DNM1L: variants seen among roughly 807,000 people sequenced by gnomAD.
DNM1L encodes dynamin 1L.
DNM1L carries 33 observed loss-of-function variants against 92.8 expected under a neutral mutation model. The ratio of observed to expected loss-of-function variants is 0.36; its 90% CI spans 0.27 to 0.48. The LOEUF (loss-of-function observed/expected upper bound fraction) is 0.48. Among genes scored for constraint, DNM1L ranks in the 20% least tolerant of loss-of-function variants. The pLI, the probability that DNM1L is intolerant of heterozygous loss-of-function variation, is 0.99. For missense variants in DNM1L, 485 were observed against 888.8 expected (o/e 0.55, Z 5.78); for synonymous variants, 284 against 305.0 (o/e 0.93, Z 0.72).
At chr12:32,684,070 T>C (rs1049346497) in intron 1 of DNM1L, among the ~76,000 whole-genome samples, 2 of 152,226 alleles carry the variant, frequency 1.3e-5, no homozygotes, top group African/African-American at 2.4e-5. Flanking sequence ...TTCACCCTTA[T>C]AAAGTATACA....
Position 32,740,694 on chromosome 12 carries a change from C to T in DNM1L, c.1994+176C>T, listed in dbSNP as rs80104548. On this transcript the variant is annotated intron_variant, in intron 18 of 19. Coordinates refer to ENST00000549701, the MANE Select transcript of DNM1L (RefSeq NM_012062.5). Reference sequence around the variant, plus strand: ...GACCCATTTTGTTAACATAGAATGACTAGGACCTCATGTATCAGCTAGAAA... The same window carrying T: ...GACCCATTTTGTTAACATAGAATGATTAGGACCTCATGTATCAGCTAGAAA... 0.012 allele frequency among the ~76,000 whole-genome samples: 1,888 copies of T among 152,306 alleles called. 36 individuals are homozygous for T. The highest frequency in any genetic ancestry group is 0.035 in the African/African-American group (1,470 of 41,558).
chr12:32,736,809 G>C (rs1052642491), intron 13 of DNM1L: 30 of 382,536 alleles, frequency 7.8e-5, no homozygotes, highest in African/African-American at 5.1e-4. Context: ...TAGTGGGAAA[G>C]GGGGAGAAGA....
chr12:32,714,249 A>G (rs1451115671), intron 6 of DNM1L, among the ~76,000 whole-genome samples: 3 of 151,214 alleles, frequency 2.0e-5, no homozygotes, highest in African/African-American at 7.3e-5. Flanking sequence ...AAAAATTCCC[A>G]TAAGCAGGGT....
intron 7 of DNM1L, among the ~76,000 whole-genome samples, chr12:32,719,385 A>C (rs1193639308): frequency 2.0e-5 from 3 of 152,202 alleles, no homozygotes; most frequent in African/African-American, 7.2e-5. Flanking sequence ...GTAAGGGAAA[A>C]ATTATCTAAT....
At position 32,720,813 on chromosome 12, in the gene DNM1L, T is replaced by G; in HGVS notation, c.872+18T>G. 6.2e-7 allele frequency: 1 copy of G among 1,612,076 alleles called. No individual in the cohort carries two copies. Among genetic ancestry groups the G allele is most frequent in the Non-Finnish European group, 8.5e-7 (1 of 1,179,612 alleles). ...CTAAACAGGTAATTTTTTTACCTTT[T>G]GGAAATGAGATGTGTTTGTTTTTAC... is the stretch of plus-strand genomic sequence containing the variant. On this transcript the variant is annotated intron_variant, in intron 8 of 19. Transcript: ENST00000549701.
intron 17 of DNM1L, 28 bp downstream of exon 17, chr12:32,740,268 A>G: frequency 6.2e-7 from 1 of 1,614,198 alleles, no homozygotes; most frequent in Non-Finnish European, 8.5e-7. Context: ...GGTTTAGGTA[A>G]TAAGGTAGGT....
chr12:32,690,110 A>G (rs1592569724), intron 1 of DNM1L, among the ~76,000 whole-genome samples: 1 of 152,206 alleles, frequency 6.6e-6, no homozygotes, highest in African/African-American at 2.4e-5. Context: ...CAGACATGGG[A>G]TGTTTAAATC....
chr12:32,741,302 T>C (rs938942067), intron 18 of DNM1L, among the ~76,000 whole-genome samples: 17 of 152,228 alleles, frequency 1.1e-4, no homozygotes, highest in African/African-American at 3.4e-4. Flanking sequence ...GAAGGTGTTT[T>C]TGAGATGGAG....
Position 32,731,071 on chromosome 12 carries a change from A to ATC in DNM1L, c.1139_1140dup (p.Val381LeufsTer14). 1 of 1,614,008 alleles carries ATC rather than the reference A, an allele frequency of 6.2e-7. No homozygotes were observed. The stretch of plus-strand genomic sequence containing the variant: ...ATGAGACTTTTGGGCGAACCTTAGA[A>ATC]TCTGTTGATCCACTTGGTGGCCTTA... On this transcript the variant is annotated frameshift_variant, in exon 10 of 20. Transcript: ENST00000549701. LOFTEE classifies it high-confidence loss of function. The surrounding 1 kb of genome is among the most constrained non-coding windows in gnomAD (Gnocchi z 5.1).
chr12:32,717,207 AC>A (rs1161522562), intron 6 of DNM1L, among the ~76,000 whole-genome samples: 1 of 115,438 alleles, frequency 8.7e-6, no homozygotes, highest in Non-Finnish European at 1.7e-5. Flanking sequence ...ATTTATATAT[AC>A]TATAAAATAT....
chr12:32,741,068 G>A (rs1955251581), intron 18 of DNM1L, among the ~76,000 whole-genome samples: 1 of 152,146 alleles, frequency 6.6e-6, no homozygotes, highest in Admixed American at 6.5e-5. Flanking sequence ...CCAGTTTTTG[G>A]TAATCTGTCA....
intron 13 of DNM1L, among the ~76,000 whole-genome samples, chr12:32,735,087 T>C (rs1371666995): frequency 2.0e-5 from 3 of 152,212 alleles, no homozygotes. Context: ...ACATTGAAAC[T>C]AACATCATGA....
At chr12:32,716,247 G>GA (rs1953358806) in intron 6 of DNM1L, among the ~76,000 whole-genome samples, 1 of 151,794 alleles carries the variant, frequency 6.6e-6, no homozygotes, top group Non-Finnish European at 1.5e-5. Context: ...TTTGGTGGGG[G>GA]GGGGTGGCAA....
chr12:32,680,910 A>G (rs1951777879), intron 1 of DNM1L, among the ~76,000 whole-genome samples: 1 of 152,228 alleles, frequency 6.6e-6, no homozygotes, highest in East Asian at 1.9e-4. Context: ...CTAGCTGCAC[A>G]CTAGAAACTT....
At chr12:32,682,603 AAGC>A (rs1332958548) in intron 1 of DNM1L, among the ~76,000 whole-genome samples, 5 of 152,166 alleles carry the variant, frequency 3.3e-5, no homozygotes, top group African/African-American at 1.2e-4. Flanking sequence ...ATACTGGAAA[AAGC>A]AGGAAAATTA....
At chr12:32,727,508 G>T in intron 9 of DNM1L, 9 of 532,278 alleles carry the variant, frequency 1.7e-5, no homozygotes, top group East Asian at 6.1e-5. Context: ...GCTAAAAAAA[G>T]AGACCCTATC....
intron 13 of DNM1L, among the ~76,000 whole-genome samples, chr12:32,734,572 C>G (rs976995138): frequency 2.6e-5 from 4 of 152,124 alleles, no homozygotes; most frequent in Admixed American, 1.3e-4. Context: ...TTTGGGAGGT[C>G]AAGGCAGGTG....
intron 7 of DNM1L, among the ~76,000 whole-genome samples, 195 bp downstream of exon 7, chr12:32,718,958 T>A (rs1349841913): frequency 6.6e-6 from 1 of 151,976 alleles, no homozygotes; most frequent in Non-Finnish European, 1.5e-5. Flanking sequence ...GAGAGAATTT[T>A]TTTTTTTTTT....
intron 7 of DNM1L, among the ~76,000 whole-genome samples, chr12:32,719,798 C>T (rs137981288): frequency 6.6e-6 from 1 of 152,164 alleles, no homozygotes; most frequent in African/African-American, 2.4e-5. Context: ...GGAATCCTCA[C>T]AGCATCCCCT....
Sources: gnomAD v4.1 joint callset for allele counts (sites outside exome capture counted in the v4.1 genomes callset) on GRCh38, gnomAD v4.1.1 for gene constraint, Gnocchi (gnomAD v3.1) non-coding constraint, MANE v1.5 for transcripts, NCBI Gene and HGNC (gene_info 2026-07-23, HGNC 2026-07-21) for gene names.